CDH18: variants seen among roughly 807,000 people sequenced by gnomAD.
The protein encoded by CDH18 is cadherin-18.
CDH18 carries 31 observed loss-of-function variants against 67.9 expected under a neutral mutation model. The ratio of observed to expected loss-of-function variants is 0.46; its 90% CI spans 0.34 to 0.62. The LOEUF (loss-of-function observed/expected upper bound fraction) is 0.62. Ranked by LOEUF, CDH18 falls within the 20% of genes least tolerant of loss-of-function variation. The pLI is 0.01. For synonymous variants in CDH18, 362 were observed against 347.2 expected (o/e 1.04, Z -0.48); for missense variants, 890 against 975.5 (o/e 0.91, Z 1.17).
chr5:20,170,080 T>C (rs1436194300), intron 2 of CDH18, among the ~76,000 whole-genome samples: 1 of 152,080 alleles, frequency 6.6e-6, no homozygotes, highest in African/African-American at 2.4e-5. Flanking sequence ...TTGTTACATA[T>C]GTAAATATGT....
intron 1 of CDH18, among the ~76,000 whole-genome samples, chr5:20,438,766 ACT>A (rs1466632116): frequency 2.0e-5 from 3 of 151,234 alleles, no homozygotes; most frequent in Non-Finnish European, 4.4e-5. Context: ...TGAATATTTC[ACT>A]CTGTTTTCTA....
chr5:19,740,595 C>A (rs985462702), intron 4 of CDH18, among the ~76,000 whole-genome samples: 2 of 152,004 alleles, frequency 1.3e-5, no homozygotes, highest in African/African-American at 4.8e-5. Flanking sequence ...AATTTTATGT[C>A]TTTGTATTAT....
intron 7 of CDH18, among the ~76,000 whole-genome samples, chr5:19,576,305 G>C (rs1419454815): frequency 6.6e-6 from 1 of 151,548 alleles, no homozygotes; most frequent in Non-Finnish European, 1.5e-5. Flanking sequence ...AGAATGAAGA[G>C]ATAATACATG....
chr5:19,724,928 CTT>C lies in CDH18; in HGVS notation c.524-3464_524-3463del, dbSNP rs34393612. Among the ~76,000 whole-genome samples, 831 of 122,334 alleles carry C rather than the reference CTT, an allele frequency of 6.8e-3. 9 individuals are homozygous for C. Among genetic ancestry groups the C allele is most frequent in the African/African-American group, 0.017 (583 of 35,128 alleles). 80.3% of individuals were successfully genotyped at this position (122,334 alleles called of 152,430 possible). A position where few individuals can be genotyped will look rare whatever the true frequency, so the allele number is the denominator to read the frequency against. ...ATTTATTAACATAGCATATTAAGGC[CTT>C]TTTTTTTTTTTTTTGAGACGGAGTC... On this transcript the variant is annotated intron_variant, in intron 4 of 12. Transcript: ENST00000382275.
intron 8 of CDH18, among the ~76,000 whole-genome samples, chr5:19,545,467 A>G (rs149916428): frequency 8.3e-4 from 126 of 152,338 alleles, no homozygotes; most frequent in African/African-American, 3.0e-3. Flanking sequence ...AACAGTGGCT[A>G]CTTTTTATCA....
intron 1 of CDH18, among the ~76,000 whole-genome samples, chr5:20,276,924 T>A (rs759446702): frequency 6.6e-6 from 1 of 151,956 alleles, no homozygotes; most frequent in Admixed American, 6.6e-5. Flanking sequence ...GGGGAGAAAC[T>A]CCTCTGCTTG....
Position 19,613,692 on chromosome 5 carries a change from A to C in CDH18, c.644-1091T>G, listed in dbSNP as rs78913719. 9.3e-4 allele frequency among the ~76,000 whole-genome samples: 141 copies of C among 152,308 alleles called. 1 individual carries two copies. The highest frequency in any genetic ancestry group is 2.5e-3 in the East Asian group (13 of 5,180). The stretch of plus-strand genomic sequence containing the variant: ...ATACATAAATTTAATAGCTCTGTTA[A>C]TAGAGTCTTACGTTTTAAAGTTAAA... On this transcript the variant is annotated intron_variant, in intron 5 of 12. Transcript: ENST00000382275.
chr5:19,584,800 A>AAAAG (rs990537878), intron 7 of CDH18, among the ~76,000 whole-genome samples: 1 of 148,696 alleles, frequency 6.7e-6, no homozygotes. Flanking sequence ...ATACAAAAAA[A>AAAAG]AAAAAAAAAA....
intron 2 of CDH18, among the ~76,000 whole-genome samples, chr5:20,134,511 C>T (rs771156370): frequency 3.3e-5 from 5 of 152,048 alleles, no homozygotes; most frequent in Admixed American, 6.6e-5. Context: ...TAGTACCTAT[C>T]GGTTGTAACA....
intron 2 of CDH18, among the ~76,000 whole-genome samples, chr5:20,002,573 C>T (rs1658206197): frequency 6.6e-6 from 1 of 152,192 alleles, no homozygotes; most frequent in South Asian, 2.1e-4. Flanking sequence ...CACAACCTCT[C>T]AGTTACCACT....
chr5:19,971,568 T>A (rs1798017675), intron 2 of CDH18, among the ~76,000 whole-genome samples: 1 of 151,902 alleles, frequency 6.6e-6, no homozygotes, highest in African/African-American at 2.4e-5. Flanking sequence ...CTATGAAACA[T>A]AAAACATACC....
intron 5 of CDH18, among the ~76,000 whole-genome samples, chr5:19,705,402 G>C (rs559356790): frequency 6.6e-6 from 1 of 152,056 alleles, no homozygotes; most frequent in Non-Finnish European, 1.5e-5. Flanking sequence ...AATTGGATAC[G>C]ACCTGCCCTA....
chr5:20,021,204 C>A (rs1738388401), intron 2 of CDH18, among the ~76,000 whole-genome samples: 1 of 152,082 alleles, frequency 6.6e-6, no homozygotes, highest in Admixed American at 6.6e-5. Context: ...CTCATTAAAT[C>A]TTGCAAGTAA....
At chr5:19,733,437 C>T (rs1193658836) in intron 4 of CDH18, among the ~76,000 whole-genome samples, 1 of 152,144 alleles carries the variant, frequency 6.6e-6, no homozygotes, top group Non-Finnish European at 1.5e-5. Flanking sequence ...GATGACCTGA[C>T]TTCAAGAGAG....
intron 1 of CDH18, among the ~76,000 whole-genome samples, chr5:20,431,931 G>A (rs934397008): frequency 2.6e-5 from 4 of 152,060 alleles, no homozygotes; most frequent in African/African-American, 7.2e-5. Flanking sequence ...AAACTGCCCC[G>A]TGACTTTTTC....
chr5:19,931,700 C>T (rs1168910810), intron 2 of CDH18, among the ~76,000 whole-genome samples: 1 of 151,744 alleles, frequency 6.6e-6, no homozygotes, highest in Non-Finnish European at 1.5e-5. Context: ...TGGGAAAATG[C>T]AACAACTAAT....
At chr5:20,365,889 C>G (rs2150077494) in intron 1 of CDH18, among the ~76,000 whole-genome samples, 1 of 152,288 alleles carries the variant, frequency 6.6e-6, no homozygotes, top group Non-Finnish European at 1.5e-5. Flanking sequence ...CATTTTGCTA[C>G]TTCTATAGAC....
chr5:19,761,382 T>C (rs1397419578), intron 3 of CDH18, among the ~76,000 whole-genome samples: 3 of 152,176 alleles, frequency 2.0e-5, no homozygotes, highest in Non-Finnish European at 4.4e-5. Context: ...AGGTATTATG[T>C]ATAGAGTCAC....
chr5:20,479,014 AC>A (rs1176950796), intron 1 of CDH18, among the ~76,000 whole-genome samples: 2 of 152,182 alleles, frequency 1.3e-5, no homozygotes, highest in Non-Finnish European at 2.9e-5. Flanking sequence ...TGGTATCTCT[AC>A]ACATCTGCAA....
Sources: gnomAD v4.1 joint callset for allele counts (sites outside exome capture counted in the v4.1 genomes callset) on GRCh38, gnomAD v4.1.1 for gene constraint, MANE v1.5 for transcripts, NCBI Gene and HGNC (gene_info 2026-07-23, HGNC 2026-07-21) for gene names.